Variants in FBXO38 observed in about 807,000 individuals in gnomAD.
FBXO38 encodes F-box protein 38, also known as F-box only protein 38.
A neutral mutation model predicts 131.9 loss-of-function variants in FBXO38; 53 were observed. The ratio of observed to expected loss-of-function variants is 0.40; its 90% CI spans 0.32 to 0.51. FBXO38 has a LOEUF of 0.51. Among genes scored for constraint, FBXO38 ranks in the 20% least tolerant of loss-of-function variants. The pLI is 0.53. For missense variants in FBXO38, 1,076 were observed against 1,475.6 expected (o/e 0.73, Z 4.44); for synonymous variants, 452 against 505.6 (o/e 0.89, Z 1.42).
intron 15 of FBXO38, 109 bp from the exon 16 acceptor site, chr5:148,433,314 TG>T: frequency 1.4e-6 from 1 of 727,620 alleles, no homozygotes; most frequent in Non-Finnish European, 2.4e-6. Context: ...GGAACCAAAT[TG>T]TAGATTTGGG....
chr5:148,392,460 G>A (rs1467213524), intron 1 of FBXO38, among the ~76,000 whole-genome samples: 1 of 152,116 alleles, frequency 6.6e-6, no homozygotes, highest in Non-Finnish European at 1.5e-5. Flanking sequence ...TTTGAACATA[G>A]TGTTTTTGAA....
At chr5:148,413,893 T>C (rs1752908275) in intron 9 of FBXO38, 1 of 354,226 alleles carries the variant, frequency 2.8e-6, no homozygotes, top group Non-Finnish European at 5.0e-6. Context: ...CTCTAAACAA[T>C]TGGAAATAAT....
chr5:148,410,536 C>T (rs1752689906), intron 8 of FBXO38, 99 bp from the exon 9 acceptor site: 1 of 1,379,066 alleles, frequency 7.3e-7, no homozygotes, highest in South Asian at 1.3e-5. Flanking sequence ...ACGTCTTTGT[C>T]AGCAGCATAG....
Position 148,442,213 on chromosome 5 carries a change from C to A in FBXO38, c.*66C>A. 1 of 1,502,414 alleles carries A rather than the reference C, an allele frequency of 6.7e-7. No homozygotes were observed. The highest frequency in any genetic ancestry group is 9.2e-7 in the Non-Finnish European group (1 of 1,090,368). The allele number at this position is 1,502,414 out of a possible 1,614,324, so 93.1% of individuals were successfully genotyped here. On this transcript the variant is annotated 3_prime_UTR_variant, in exon 22 of 22. Coordinates refer to ENST00000340253, the MANE Select transcript of FBXO38 (RefSeq NM_205836.3). The stretch of plus-strand genomic sequence containing the variant: ...GTAGGGCCATCCAGCTGCCAGAGTG[C>A]TCCACAGGGACTTGAGGCATGCAGT...
intron 15 of FBXO38, among the ~76,000 whole-genome samples, chr5:148,432,134 A>G (rs1754074638): frequency 6.6e-6 from 1 of 152,206 alleles, no homozygotes; most frequent in Non-Finnish European, 1.5e-5. Flanking sequence ...AATGTTTATA[A>G]CTAGCAGTAC....
chr5:148,427,250 C>G lies in FBXO38; in HGVS notation c.1956C>G (p.Tyr652Ter). ...GKGKTPLRKR[Y>*]NSHQMGQSKQ... The stretch of plus-strand genomic sequence containing the variant: ...GCAAGACTCCACTTCGAAAGAGGTA[C>G]AACTCCCATCAGATGGGCCAGTCGA... The change falls in exon 15 of 22, where the codon TAC becomes TAG. Residue 652 changes from tyrosine (Y) to a stop codon, truncating the protein, a stop_gained. Coordinates refer to ENST00000340253, the MANE Select transcript of FBXO38 (RefSeq NM_205836.3). LOFTEE classifies it high-confidence loss of function. The G allele has an allele frequency of 6.2e-7, 1 of 1,613,490 alleles. No homozygotes were observed. Among genetic ancestry groups the G allele is most frequent in the Non-Finnish European group, 8.5e-7 (1 of 1,179,706 alleles).
intron 10 of FBXO38, among the ~76,000 whole-genome samples, chr5:148,415,156 T>C (rs959264039): frequency 6.6e-6 from 1 of 152,188 alleles, no homozygotes; most frequent in Non-Finnish European, 1.5e-5. Flanking sequence ...TTGGGAAATA[T>C]GAACTTTAGG....
At chr5:148,438,620 T>C in intron 18 of FBXO38, 122 bp downstream of exon 18, 1 of 1,047,226 alleles carries the variant, frequency 9.5e-7, no homozygotes, top group South Asian at 1.7e-5. Context: ...ACAGTAATGA[T>C]ATTTTAGTTT....
chr5:148,441,298 A>G, intron 21 of FBXO38, 61 bp downstream of exon 21: 1 of 1,204,000 alleles, frequency 8.3e-7, no homozygotes, highest in Non-Finnish European at 1.2e-6. Flanking sequence ...TGTGTTACAT[A>G]CTTAATATCT....
intron 13 of FBXO38, among the ~76,000 whole-genome samples, 181 bp downstream of exon 13, chr5:148,424,298 T>C (rs1207724903): frequency 3.9e-5 from 6 of 152,258 alleles, no homozygotes; most frequent in Non-Finnish European, 8.8e-5. Flanking sequence ...CTTACTAAAG[T>C]TTGTCTTTTA....
intron 18 of FBXO38, 115 bp from the exon 19 acceptor site, chr5:148,439,532 A>G (rs1177207493): frequency 3.9e-6 from 4 of 1,029,344 alleles, no homozygotes; most frequent in Middle Eastern, 2.3e-4. Context: ...TTGATTTTCA[A>G]ATCAGCCAGA....
chr5:148,404,905 A>G, intron 6 of FBXO38, 83 bp downstream of exon 6: 2 of 1,215,360 alleles, frequency 1.6e-6, no homozygotes, highest in South Asian at 3.1e-5. Context: ...ATTTGTAAAT[A>G]CAATTATATT....
At chr5:148,435,598 C>A (rs547136250) in intron 17 of FBXO38, among the ~76,000 whole-genome samples, 63 of 152,190 alleles carry the variant, frequency 4.1e-4, no homozygotes, top group African/African-American at 1.4e-3. Context: ...GGTGAAACCC[C>A]GTCTCACTAA....
chr5:148,424,047 C>T lies in FBXO38; in HGVS notation c.1668C>T (p.Ala556=), dbSNP rs778114879. The change falls in exon 13 of 22, where the codon GCC becomes GCT. Residue 556 remains alanine (A), a synonymous_variant. Coordinates refer to ENST00000340253, the MANE Select transcript of FBXO38 (RefSeq NM_205836.3). ...DIVQEDGEVV[A]ESGNNTPAHS... ...TCCAAGAAGATGGAGAGGTGGTGGC[C>T]GAGAGTGGAAATAATACTCCAGCTC... 4 of 1,613,248 alleles carry T rather than the reference C, an allele frequency of 2.5e-6. No individual in the cohort carries two copies. The highest frequency in any genetic ancestry group is 1.6e-4 in the Middle Eastern group (1 of 6,062).
chr5:148,419,199 A>G (rs1753251340), intron 12 of FBXO38, among the ~76,000 whole-genome samples: 1 of 152,236 alleles, frequency 6.6e-6, no homozygotes, highest in South Asian at 2.1e-4. Flanking sequence ...AGGATTAAAC[A>G]GCTTCAACAA....
At chr5:148,411,687 A>C (rs535814987) in intron 9 of FBXO38, among the ~76,000 whole-genome samples, 34 of 152,256 alleles carry the variant, frequency 2.2e-4, no homozygotes, top group South Asian at 1.7e-3. Context: ...ATTACTTTAA[A>C]AAGTCAAGCC....
intron 3 of FBXO38, among the ~76,000 whole-genome samples, chr5:148,401,361 T>C (rs953726415): frequency 1.4e-4 from 22 of 152,280 alleles, no homozygotes; most frequent in African/African-American, 4.6e-4. Context: ...TACCCTGAGA[T>C]TGGATCACTC....
intron 7 of FBXO38, among the ~76,000 whole-genome samples, chr5:148,407,664 C>A (rs1752516158): frequency 6.6e-6 from 1 of 151,852 alleles, no homozygotes; most frequent in African/African-American, 2.4e-5. Context: ...GTGGCCCACG[C>A]CTGTAATCCC....
rs374684212 is a variant in FBXO38 at position 148,423,991 on chromosome 5, G to C, written c.1619-7G>C. 3.7e-6 allele frequency: 6 copies of C among 1,606,040 alleles called. No individual in the cohort carries two copies. The highest frequency in any genetic ancestry group is 5.1e-6 in the Non-Finnish European group (6 of 1,177,378). Reference sequence around the variant, plus strand: ...TGGTTTTTACTTTGTGTATATTTTCGTTGAAGCATTAAATGAGATGGAAGA... The same window carrying C: ...TGGTTTTTACTTTGTGTATATTTTCCTTGAAGCATTAAATGAGATGGAAGA... On this transcript the variant is annotated splice_polypyrimidine_tract_variant and splice_region_variant and intron_variant, in intron 12 of 21. Transcript: ENST00000340253.
Sources: gnomAD v4.1 joint callset for allele counts (sites outside exome capture counted in the v4.1 genomes callset) on GRCh38, gnomAD v4.1.1 for gene constraint, MANE v1.5 for transcripts, NCBI Gene and HGNC (gene_info 2026-07-23, HGNC 2026-07-21) for gene names.